Variants in CCDC125 observed in about 807,000 individuals in gnomAD.
CCDC125 encodes coiled-coil domain-containing protein 125.
In CCDC125, 43 loss-of-function variants were observed where a neutral mutation model predicts 57.4. That is an observed-to-expected ratio of 0.75 (90% CI 0.59 to 0.97). The LOEUF is 0.97. Ranked by LOEUF, CCDC125 falls within the 50% of genes least tolerant of loss-of-function variation. The probability of loss-of-function intolerance (pLI) is 0.00; values close to 1 mark genes in which losing one functional copy is unlikely to be tolerated. For synonymous variants in CCDC125, 187 were observed against 195.2 expected (o/e 0.96, Z 0.35); for missense variants, 563 against 595.7 (o/e 0.95, Z 0.57).
chr5:69,279,570 C>T (rs1261718831), downstream of CCDC125, among the ~76,000 whole-genome samples: 1 of 152,100 alleles, frequency 6.6e-6, no homozygotes, highest in African/African-American at 2.4e-5. Context: ...AGCCCAGGGC[C>T]TCTCTCAGCT....
intron 8 of CCDC125, among the ~76,000 whole-genome samples, chr5:69,298,844 A>C (rs1290020935): frequency 6.6e-6 from 1 of 152,162 alleles, no homozygotes; most frequent in Non-Finnish European, 1.5e-5. Flanking sequence ...GGTGCTCAAA[A>C]GCACAGACTC....
At chr5:69,279,346 G>A (rs549188007), downstream of CCDC125, among the ~76,000 whole-genome samples, 15 of 144,710 alleles carry the variant, frequency 1.0e-4, no homozygotes, top group East Asian at 5.9e-4. Context: ...ACAGGTGCCC[G>A]CCACCACGCC....
chr5:69,329,296 T>G (rs1761121067), intron 1 of CCDC125, among the ~76,000 whole-genome samples: 1 of 152,118 alleles, frequency 6.6e-6, no homozygotes, highest in Non-Finnish European at 1.5e-5. Flanking sequence ...CCCGAGTAGC[T>G]GGGACTACAG....
intron 1 of CCDC125, among the ~76,000 whole-genome samples, chr5:69,328,791 G>A (rs926542398): frequency 2.0e-5 from 3 of 150,084 alleles, no homozygotes; most frequent in South Asian, 2.1e-4. Context: ...TACTTTATAC[G>A]TTTGACTTTT....
chr5:69,279,345 C>T (rs537587646), downstream of CCDC125, among the ~76,000 whole-genome samples: 10 of 144,148 alleles, frequency 6.9e-5, no homozygotes, highest in Non-Finnish European at 1.4e-4. Context: ...TACAGGTGCC[C>T]GCCACCACGC....
At chr5:69,304,038 A>G in intron 6 of CCDC125, 109 bp from the exon 7 acceptor site, 1 of 604,508 alleles carries the variant, frequency 1.7e-6, no homozygotes. Context: ...AGTTTTTCCT[A>G]CTTCAAAATA....
intron 1 of CCDC125, among the ~76,000 whole-genome samples, chr5:69,331,383 C>T (rs997797955): frequency 3.4e-4 from 52 of 151,826 alleles, no homozygotes; most frequent in Non-Finnish European, 6.5e-4. Flanking sequence ...CAGGCGCCCA[C>T]CACCATGCCC....
chr5:69,292,227 CT>C lies in CCDC125; in HGVS notation c.1059del (p.Ala354GlnfsTer5), dbSNP rs1754569733. 3.7e-6 allele frequency: 6 copies of C among 1,613,228 alleles called. No homozygotes were observed. The highest frequency in any genetic ancestry group is 3.3e-5 in the Admixed American group (2 of 59,884). Reference sequence around the variant, plus strand: ...TGCTTCCAATTCATCCATTTTGTTGCTTTTTTATGCATTTTATCCATTTGTG... The same window carrying C: ...TGCTTCCAATTCATCCATTTTGTTGCTTTTTATGCATTTTATCCATTTGTG... ...QLTQMDKMHK[K>X]ATKWMNWKHL... On this transcript the variant is annotated frameshift_variant, in exon 10 of 12. Transcript: ENST00000396496. LOFTEE classifies it high-confidence loss of function.
intron 1 of CCDC125, among the ~76,000 whole-genome samples, chr5:69,325,349 A>C (rs1174827727): frequency 6.8e-6 from 1 of 148,142 alleles, no homozygotes; most frequent in Admixed American, 6.7e-5. Flanking sequence ...AAAAAGATGT[A>C]ATAATACCTA....
At chr5:69,296,340 T>A (rs1755317627) in intron 8 of CCDC125, among the ~76,000 whole-genome samples, 1 of 151,832 alleles carries the variant, frequency 6.6e-6, no homozygotes, top group African/African-American at 2.4e-5. Flanking sequence ...TGATCTGAAG[T>A]CAGGAGTTCG....
downstream of CCDC125, chr5:69,277,018 A>G: frequency 9.3e-7 from 1 of 1,075,280 alleles, no homozygotes; most frequent in South Asian, 1.5e-5. Context: ...ATGTAGTTGG[A>G]ATGCAGTGAC....
chr5:69,321,207 G>C (rs1449387518), intron 1 of CCDC125, among the ~76,000 whole-genome samples: 1 of 152,118 alleles, frequency 6.6e-6, no homozygotes, highest in Non-Finnish European at 1.5e-5. Context: ...ATAAGTATTT[G>C]AGATGATGGA....
intron 2 of CCDC125, among the ~76,000 whole-genome samples, chr5:69,319,150 G>A (rs1397748827): frequency 3.3e-5 from 5 of 151,784 alleles, no homozygotes; most frequent in African/African-American, 1.2e-4. Flanking sequence ...CTGGTCTCAA[G>A]CTCCTGACCT....
intron 9 of CCDC125, among the ~76,000 whole-genome samples, chr5:69,294,591 C>T (rs116336298): frequency 0.016 from 2,493 of 152,274 alleles, 26 homozygotes; most frequent in Non-Finnish European, 0.026. Context: ...CCGCACCCTG[C>T]CCCAAGTACT....
chr5:69,294,777 T>G lies in CCDC125; in HGVS notation c.924+16A>C. ...GAAACAAAACTAAAGCTTTTGCTGT[T>G]GTGATAACGCAATACCTCTTGTTTG... On this transcript the variant is annotated intron_variant, in intron 9 of 11. Coordinates refer to ENST00000396496, the MANE Select transcript of CCDC125 (RefSeq NM_176816.5). 6.4e-7 allele frequency: 1 copy of G among 1,559,098 alleles called. No individual in the cohort carries two copies. Among genetic ancestry groups the G allele is most frequent in the Non-Finnish European group, 8.8e-7 (1 of 1,136,962 alleles).
downstream of CCDC125, chr5:69,280,117 AAG>A (rs1292162648): frequency 6.6e-6 from 1 of 152,214 alleles, no homozygotes; most frequent in Non-Finnish European, 1.5e-5. Flanking sequence ...AATTCAAAAT[AAG>A]ACTTGGGTGG....
intron 10 of CCDC125, among the ~76,000 whole-genome samples, chr5:69,286,343 TG>T (rs1427363255): frequency 6.6e-6 from 1 of 150,430 alleles, no homozygotes; most frequent in Admixed American, 6.7e-5. Context: ...GCCATTCTCC[TG>T]CCTCAGCCTC....
intron 7 of CCDC125, among the ~76,000 whole-genome samples, chr5:69,302,296 C>T (rs989947482): frequency 2.0e-5 from 3 of 150,780 alleles, no homozygotes; most frequent in Admixed American, 6.6e-5. Flanking sequence ...GTGGCAGGCA[C>T]CTGTAGTCCC....
chr5:69,279,354 G>A (rs140326949), downstream of CCDC125, among the ~76,000 whole-genome samples: 24,018 of 151,688 alleles, frequency 0.16, 2,028 homozygotes, highest in African/African-American at 0.2. Flanking sequence ...CCGCCACCAC[G>A]CCCAGCTAAT....
Sources: allele counts gnomAD v4.1 joint callset (sites outside exome capture counted in the v4.1 genomes callset), GRCh38; gene constraint gnomAD v4.1.1; transcripts MANE v1.5; gene names NCBI Gene and HGNC (gene_info 2026-07-23, HGNC 2026-07-21).